Variants in MSRB3 observed in about 807,000 individuals in gnomAD.
The protein encoded by MSRB3 is methionine sulfoxide reductase B3.
In MSRB3, 13 loss-of-function variants were observed where a neutral mutation model predicts 21.0. The ratio of observed to expected loss-of-function variants is 0.62; its 90% CI spans 0.40 to 0.98. The LOEUF is 0.98. MSRB3 is among the 50% of genes least tolerant of loss of function. The probability of loss-of-function intolerance (pLI) is 0.00; values close to 1 mark genes in which losing one functional copy is unlikely to be tolerated. For synonymous variants in MSRB3, 87 were observed against 88.6 expected (o/e 0.98, Z 0.10); for missense variants, 199 against 230.3 (o/e 0.86, Z 0.88).
At chr12:65,399,729 A>G (rs966570680) in intron 5 of MSRB3, among the ~76,000 whole-genome samples, 1 of 152,116 alleles carries the variant, frequency 6.6e-6, no homozygotes, top group Non-Finnish European at 1.5e-5. Flanking sequence ...TATGATATTG[A>G]CTGTGGGTTT....
chr12:65,461,586 G>A, intron 6 of MSRB3, among the ~76,000 whole-genome samples: 1 of 152,038 alleles, frequency 6.6e-6, no homozygotes, highest in Non-Finnish European at 1.5e-5. Context: ...TAATAACTAG[G>A]GAATACTTGA....
intron 5 of MSRB3, among the ~76,000 whole-genome samples, chr12:65,385,903 ATCTAAT>A (rs1366518006): frequency 6.6e-6 from 1 of 151,830 alleles, no homozygotes; most frequent in Non-Finnish European, 1.5e-5. Flanking sequence ...TCTGTCTACC[ATCTAAT>A]TCTAACAAAC....
chr12:65,364,070 C>T (rs1032080176), intron 4 of MSRB3, among the ~76,000 whole-genome samples: 4 of 152,076 alleles, frequency 2.6e-5, no homozygotes, highest in Non-Finnish European at 5.9e-5. Context: ...ATTTACTATT[C>T]TAATATCAGT....
intron 5 of MSRB3, among the ~76,000 whole-genome samples, chr12:65,390,165 A>G (rs1356590238): frequency 6.6e-6 from 1 of 152,138 alleles, no homozygotes; most frequent in Non-Finnish European, 1.5e-5. Flanking sequence ...TCCATCAGTC[A>G]TTTACTCTAA....
At chr12:65,454,293 TTAAA>T (rs71434084) in intron 6 of MSRB3, 55,642 of 145,834 alleles carry the variant, frequency 0.38, 10,896 homozygotes, top group Middle Eastern at 0.53. Flanking sequence ...GTCTCATAAA[TTAAA>T]TAAATAAATA....
chr12:65,328,197 A>G (rs578168423), intron 3 of MSRB3, among the ~76,000 whole-genome samples: 54 of 152,274 alleles, frequency 3.5e-4, no homozygotes, highest in African/African-American at 1.1e-3. Flanking sequence ...GCACACTGTA[A>G]AGTAGCAAAA....
intron 2 of MSRB3, among the ~76,000 whole-genome samples, chr12:65,324,703 G>T (rs1290564712): frequency 1.3e-5 from 2 of 152,168 alleles, no homozygotes; most frequent in Non-Finnish European, 2.9e-5. Flanking sequence ...GCAAGCATCT[G>T]TGCTTTAAGC....
intron 5 of MSRB3, among the ~76,000 whole-genome samples, chr12:65,397,508 G>T (rs1205270466): frequency 2.0e-5 from 3 of 151,634 alleles, no homozygotes; most frequent in Admixed American, 2.0e-4. Flanking sequence ...TTATTTTCCT[G>T]CCTATCTTGG....
intron 5 of MSRB3, chr12:65,419,296 G>T: frequency 1.3e-6 from 1 of 750,442 alleles, no homozygotes; most frequent in Non-Finnish European, 2.4e-6. Context: ...AAGGTCCTGA[G>T]ATTTGGGGGC....
rs540580833 is a variant in MSRB3, at chr12:65,465,700, A to T, written c.*2378A>T. 1 of 151,968 alleles carries T rather than the reference A, an allele frequency of 6.6e-6. No homozygotes were observed. The highest frequency in any genetic ancestry group is 6.6e-5 in the Admixed American group (1 of 15,266). 9.4% of individuals were successfully genotyped at this position (151,968 alleles called of 1,614,324 possible). ...GTTCCCTCAGGTTCCAAGACATTTC[A>T]CCCCAGGCCCTGGGTTCACTCTGGA... On this transcript the variant is annotated 3_prime_UTR_variant, in exon 7 of 7. Coordinates refer to ENST00000308259, the MANE Select transcript of MSRB3 (RefSeq NM_001031679.3).
At chr12:65,358,224 C>G (rs1877500719) in intron 4 of MSRB3, among the ~76,000 whole-genome samples, 1 of 151,726 alleles carries the variant, frequency 6.6e-6, no homozygotes, top group Non-Finnish European at 1.5e-5. Context: ...CTATAGTGAT[C>G]CTTCCACCTC....
At chr12:65,307,100 A>T in intron 1 of MSRB3, 1 of 935,138 alleles carries the variant, frequency 1.1e-6, no homozygotes, top group Non-Finnish European at 1.3e-6. Context: ...TTTTATTTAT[A>T]GTGTTGTGAG....
chr12:65,380,618 TAAC>T (rs1398786088), intron 5 of MSRB3, among the ~76,000 whole-genome samples: 2 of 152,122 alleles, frequency 1.3e-5, no homozygotes, highest in African/African-American at 4.8e-5. Flanking sequence ...CCAATAATAA[TAAC>T]GACAATGACA....
At chr12:65,419,877 A>G (rs1881190049) in intron 5 of MSRB3, 1 of 660,472 alleles carries the variant, frequency 1.5e-6, no homozygotes, top group African/African-American at 1.8e-5. Flanking sequence ...GGAGCAGGAC[A>G]TGGAGATCCG....
intron 5 of MSRB3, among the ~76,000 whole-genome samples, chr12:65,442,904 G>A (rs532305934): frequency 6.6e-5 from 10 of 152,076 alleles, no homozygotes; most frequent in Non-Finnish European, 1.5e-4. Flanking sequence ...ATTTAAAGTA[G>A]CAAGAGACAG....
At chr12:65,453,338 A>G (rs998608596) in intron 5 of MSRB3, among the ~76,000 whole-genome samples, 3 of 152,182 alleles carry the variant, frequency 2.0e-5, no homozygotes, top group Admixed American at 6.5e-5. Context: ...AGCCAGACCA[A>G]TTGATTGTGT....
chr12:65,453,937 C>A (rs769377110), intron 6 of MSRB3, 112 bp downstream of exon 6: 5 of 881,840 alleles, frequency 5.7e-6, no homozygotes, highest in Admixed American at 5.6e-5. Context: ...ACAAGCATGA[C>A]GAAGTTTATA....
At chr12:65,282,938 G>A (rs1259062069) in intron 1 of MSRB3, among the ~76,000 whole-genome samples, 1 of 152,092 alleles carries the variant, frequency 6.6e-6, no homozygotes, top group East Asian at 1.9e-4. Flanking sequence ...ATGTTATGAG[G>A]TTATAGTCCT....
At chr12:65,318,402 G>A (rs1029588041) in intron 2 of MSRB3, among the ~76,000 whole-genome samples, 1 of 152,034 alleles carries the variant, frequency 6.6e-6, no homozygotes, top group Non-Finnish European at 1.5e-5. Flanking sequence ...CCTAGCAGTC[G>A]GTGCTCCCAA....
Sources: allele counts gnomAD v4.1 joint callset (sites outside exome capture counted in the v4.1 genomes callset), GRCh38; gene constraint gnomAD v4.1.1; transcripts MANE v1.5; gene names NCBI Gene and HGNC (gene_info 2026-07-23, HGNC 2026-07-21).